Variants in ATP8A2 observed in about 807,000 individuals in gnomAD.
ATP8A2 encodes the protein ATPase phospholipid transporting 8A2.
In ATP8A2, 100 loss-of-function variants were observed where a neutral mutation model predicts 165.6. The observed-to-expected ratio is 0.60, with a 90% CI of 0.51 to 0.71. The LOEUF is 0.71. Among genes scored for constraint, ATP8A2 ranks in the 30% least tolerant of loss-of-function variants. The probability of loss-of-function intolerance (pLI) is 0.00; values close to 1 mark genes in which losing one functional copy is unlikely to be tolerated. For missense variants in ATP8A2, 1,227 were observed against 1,479.5 expected (o/e 0.83, Z 2.80); for synonymous variants, 543 against 548.8 (o/e 0.99, Z 0.15).
intron 33 of ATP8A2, among the ~76,000 whole-genome samples, chr13:25,951,691 G>A (rs73474511): frequency 1.2e-3 from 178 of 152,120 alleles, no homozygotes; most frequent in African/African-American, 4.0e-3. Flanking sequence ...GCATACTGGG[G>A]GTGCTTTTGA....
chr13:25,643,864 C>G (rs1260821418), intron 24 of ATP8A2, among the ~76,000 whole-genome samples: 2 of 151,608 alleles, frequency 1.3e-5, no homozygotes, highest in African/African-American at 4.8e-5. Context: ...GACAATTTAA[C>G]AATATTAATT....
chr13:25,751,298 G>A (rs900743423), intron 25 of ATP8A2, among the ~76,000 whole-genome samples: 2 of 152,180 alleles, frequency 1.3e-5, no homozygotes, highest in Non-Finnish European at 2.9e-5. Flanking sequence ...TGTTTTCTAG[G>A]ACTTCTTCAA....
chr13:25,448,026 A>C (rs921058358), intron 1 of ATP8A2, among the ~76,000 whole-genome samples: 1 of 151,984 alleles, frequency 6.6e-6, no homozygotes, highest in African/African-American at 2.4e-5. Flanking sequence ...TGGGGACTTT[A>C]TGGGCACAGG....
intron 24 of ATP8A2, among the ~76,000 whole-genome samples, chr13:25,596,727 T>A (rs970665590): frequency 6.6e-6 from 1 of 152,312 alleles, no homozygotes; most frequent in African/African-American, 2.4e-5. Flanking sequence ...GCTGTAAGGG[T>A]TTTGTTCTGT....
At chr13:25,826,209 A>G (rs1388051897) in intron 27 of ATP8A2, among the ~76,000 whole-genome samples, 3 of 152,222 alleles carry the variant, frequency 2.0e-5, no homozygotes, top group South Asian at 2.1e-4. Flanking sequence ...CCATAAATAC[A>G]TACAGTTATA....
intron 2 of ATP8A2, among the ~76,000 whole-genome samples, chr13:25,503,068 G>A (rs150747548): frequency 2.2e-3 from 330 of 152,250 alleles, no homozygotes; most frequent in South Asian, 0.013. Context: ...AGGACTAGGC[G>A]GGTGGGATCA....
At chr13:25,378,707 A>T (rs148027689) in intron 1 of ATP8A2, among the ~76,000 whole-genome samples, 1 of 152,122 alleles carries the variant, frequency 6.6e-6, no homozygotes, top group East Asian at 1.9e-4. Flanking sequence ...CCTCCTCCAC[A>T]TATTCCTCAC....
chr13:25,813,428 GTATGA>G (rs924749437), intron 27 of ATP8A2, among the ~76,000 whole-genome samples: 5 of 95,424 alleles, frequency 5.2e-5, no homozygotes, highest in East Asian at 3.6e-4. Flanking sequence ...ATATATGATG[GTATGA>G]TATGATATGG....
At chr13:25,483,281 G>A (rs1195434608) in intron 2 of ATP8A2, among the ~76,000 whole-genome samples, 2 of 152,182 alleles carry the variant, frequency 1.3e-5, no homozygotes, top group Non-Finnish European at 2.9e-5. Flanking sequence ...TGTTGATGCT[G>A]TTTCTTGTGT....
chr13:25,724,789 G>C (rs2043457511), intron 25 of ATP8A2, among the ~76,000 whole-genome samples: 1 of 152,130 alleles, frequency 6.6e-6, no homozygotes, highest in South Asian at 2.1e-4. Flanking sequence ...TGATGTCCTA[G>C]GCCCATTGAC....
chr13:25,898,172 C>T (rs1953618778), intron 33 of ATP8A2, among the ~76,000 whole-genome samples: 1 of 152,162 alleles, frequency 6.6e-6, no homozygotes, highest in African/African-American at 2.4e-5. Flanking sequence ...TACCTTTGGT[C>T]TTTGATGATG....
At chr13:25,451,794 A>C (rs1456837359) in intron 1 of ATP8A2, among the ~76,000 whole-genome samples, 1 of 151,844 alleles carries the variant, frequency 6.6e-6, no homozygotes, top group Non-Finnish European at 1.5e-5. Context: ...TCAGAATCTC[A>C]ATGTAGAGTT....
At chr13:25,470,859 A>C (rs548990830) in intron 2 of ATP8A2, among the ~76,000 whole-genome samples, 3 of 152,366 alleles carry the variant, frequency 2.0e-5, no homozygotes, top group African/African-American at 7.2e-5. Context: ...GAAGCCAGTC[A>C]CAAAAGGCCT....
intron 35 of ATP8A2, among the ~76,000 whole-genome samples, chr13:25,971,731 C>A (rs189080733): frequency 5.2e-4 from 79 of 152,154 alleles, no homozygotes; most frequent in African/African-American, 1.8e-3. Flanking sequence ...AGTCACCGGG[C>A]CTCCAGGGAG....
chr13:25,679,943 G>A (rs1298747317), intron 24 of ATP8A2, among the ~76,000 whole-genome samples: 1 of 152,172 alleles, frequency 6.6e-6, no homozygotes, highest in Non-Finnish European at 1.5e-5. Context: ...TTGGAGAGGT[G>A]GGTTAAGCTG....
At chr13:25,740,581 A>G (rs1020629400) in intron 25 of ATP8A2, among the ~76,000 whole-genome samples, 1 of 152,128 alleles carries the variant, frequency 6.6e-6, no homozygotes, top group African/African-American at 2.4e-5. Flanking sequence ...AAGATCCAAC[A>G]AGGAGGAAGG....
Position 25,571,706 on chromosome 13 carries a change from G to C in ATP8A2, c.1662+14G>C, listed in dbSNP as rs373463097. 1.2e-6 allele frequency: 2 copies of C among 1,607,322 alleles called. No homozygotes were observed. The highest frequency in any genetic ancestry group is 8.5e-7 in the Non-Finnish European group (1 of 1,173,914). On this transcript the variant is annotated intron_variant, in intron 18 of 36. Transcript: ENST00000381655. The stretch of plus-strand genomic sequence containing the variant: ...ATCATAGAAGCGGTGAGTAACATGC[G>C]TGTGCACATTTCAGATCACCTGCTT...
At chr13:25,872,219 A>G (rs1199468646) in intron 33 of ATP8A2, among the ~76,000 whole-genome samples, 2 of 152,132 alleles carry the variant, frequency 1.3e-5, no homozygotes, top group Non-Finnish European at 2.9e-5. Flanking sequence ...AGTATCACCT[A>G]GAGACAGTTC....
chr13:25,536,143 G>A (rs141004682), intron 6 of ATP8A2, among the ~76,000 whole-genome samples: 1,730 of 152,024 alleles, frequency 0.011, 32 homozygotes, highest in African/African-American at 0.039. Flanking sequence ...ACGGAGTCTC[G>A]CTCTGTTGCT....
Sources: gnomAD v4.1 joint callset for allele counts (sites outside exome capture counted in the v4.1 genomes callset) on GRCh38, gnomAD v4.1.1 for gene constraint, MANE v1.5 for transcripts, NCBI Gene and HGNC (gene_info 2026-07-23, HGNC 2026-07-21) for gene names.